The following ARHGAP11A variants were observed in gnomAD, a reference collection of about 807,000 sequenced individuals.
The protein encoded by ARHGAP11A is rho GTPase-activating protein 11A.
ARHGAP11A carries 36 observed loss-of-function variants against 60.5 expected under a neutral mutation model. The observed-to-expected ratio is 0.59, with a 90% CI of 0.46 to 0.79. The LOEUF is 0.79. ARHGAP11A is among the 30% of genes least tolerant of loss of function. The probability of loss-of-function intolerance (pLI) is 0.00; values close to 1 mark genes in which losing one functional copy is unlikely to be tolerated. For missense variants in ARHGAP11A, 1,071 were observed against 1,199.2 expected (o/e 0.89, Z 1.58); for synonymous variants, 362 against 415.5 (o/e 0.87, Z 1.57).
intron 6 of ARHGAP11A, among the ~76,000 whole-genome samples, chr15:32,627,843 T>C (rs1001446978): frequency 6.7e-6 from 1 of 148,912 alleles, no homozygotes; most frequent in Non-Finnish European, 1.5e-5. Flanking sequence ...GGAGTCTGTC[T>C]TTGTCACCCA....
chr15:32,625,075 T>G lies in ARHGAP11A; in HGVS notation c.552-5T>G. On this transcript the variant is annotated splice_region_variant and splice_polypyrimidine_tract_variant and intron_variant, in intron 4 of 11. Transcript: ENST00000361627. The stretch of plus-strand genomic sequence containing the variant: ...TCCATCTAATAAAGCGTTTATTCAC[T>G]TAAGATCCAGTGAGAATAAGATGGA... 1.2e-6 allele frequency: 2 copies of G among 1,613,826 alleles called. No homozygotes were observed. The highest frequency in any genetic ancestry group is 1.7e-6 in the Non-Finnish European group (2 of 1,179,788).
At position 32,637,350 on chromosome 15, in the gene ARHGAP11A, G is replaced by T. The variant is rs780644093; in HGVS notation, c.2577G>T (p.Lys859Asn). ...LEYSRQPTGH[K>N]LASLGDTASP... ...ATAGCAGACAACCTACAGGGCATAA[G>T]TTGGCGAGTCTTGGTGATACAGCTT... Residue 859 changes from lysine (K) to asparagine (N), a missense_variant, in exon 12 of 12, where the codon AAG becomes AAT. By Grantham distance (94) the Lys-to-Asn change is moderately conservative. Around this residue, in one of 4 missense-constraint regions of ARHGAP11A, gnomAD observed 776 missense variants for 760.2 expected, o/e 1.02. Coordinates refer to ENST00000361627, the MANE Select transcript of ARHGAP11A (RefSeq NM_014783.6). 1 of 1,614,212 alleles carries T rather than the reference G, an allele frequency of 6.2e-7. No individual in the cohort carries two copies. The highest frequency in any genetic ancestry group is 1.1e-5 in the South Asian group (1 of 91,078).
intron 3 of ARHGAP11A, among the ~76,000 whole-genome samples, chr15:32,623,856 G>A (rs2053393575): frequency 6.6e-6 from 1 of 152,014 alleles, no homozygotes; most frequent in African/African-American, 2.4e-5. Context: ...TTATATTGTT[G>A]TTAGCCTTCT....
At chr15:32,620,287 C>T in intron 2 of ARHGAP11A, 109 bp downstream of exon 2, 1 of 1,577,704 alleles carries the variant, frequency 6.3e-7, no homozygotes, top group Non-Finnish European at 8.6e-7. Context: ...GAGCTTAAGA[C>T]CAGCCTGGGC....
chr15:32,629,471 A>G (rs1272486950), intron 7 of ARHGAP11A, 124 bp from the exon 8 acceptor site: 38 of 611,996 alleles, frequency 6.2e-5, no homozygotes, highest in Non-Finnish European at 9.4e-5. Context: ...CTGATGATGT[A>G]AATATATTCT....
rs1402377493 is a variant in ARHGAP11A, at chr15:32,628,792, A to G, written c.927A>G (p.Glu309=). Residue 309 remains glutamate, a synonymous_variant, in exon 7 of 12, where the codon GAA becomes GAG. Coordinates refer to ENST00000361627, the MANE Select transcript of ARHGAP11A (RefSeq NM_014783.6). ...GAACACCTTCTATTACACCTCAAGA[A>G]GAAAGAATTGGTAGGTATTTATTAT... ...PNRTPSITPQ[E]ERIAQLSESP... 6 of 1,551,128 alleles carry G rather than the reference A, an allele frequency of 3.9e-6. No individual in the cohort carries two copies. The African/African-American group carries it at 8.4e-5, about 22-fold the overall frequency.
intron 8 of ARHGAP11A, among the ~76,000 whole-genome samples, chr15:32,630,652 C>G (rs1412314388): frequency 3.9e-5 from 6 of 151,926 alleles, no homozygotes; most frequent in Admixed American, 1.3e-4. Flanking sequence ...TTCCCAAAGC[C>G]TGTCTCTTTT....
At position 32,637,059 on chromosome 15, in the gene ARHGAP11A, T is replaced by C. The variant is rs17853929; in HGVS notation, c.2286T>C (p.Ser762=). Residue 762 remains serine, a synonymous_variant, in exon 12 of 12, where the codon TCT becomes TCC. Coordinates refer to ENST00000361627, the MANE Select transcript of ARHGAP11A (RefSeq NM_014783.6). ...AAHSKDEARS[S]FSQQSTCVVT... Reference sequence around the variant, plus strand: ...ATAGCAAGGACGAGGCTAGATCCTCTTTCTCACAGCAGAGTACATGTGTTG... The same window carrying C: ...ATAGCAAGGACGAGGCTAGATCCTCCTTCTCACAGCAGAGTACATGTGTTG... The C allele has an allele frequency of 1.2e-6, 2 of 1,614,000 alleles. No individual in the cohort carries two copies. Among genetic ancestry groups the C allele is most frequent in the Non-Finnish European group, 1.7e-6 (2 of 1,180,032 alleles).
At chr15:32,618,706 C>A (rs936112990) in intron 1 of ARHGAP11A, among the ~76,000 whole-genome samples, 50 of 150,262 alleles carry the variant, frequency 3.3e-4, no homozygotes, top group African/African-American at 1.1e-3. Context: ...GAGGCCGAGG[C>A]GGGTGGATAA....
At chr15:32,629,397 C>T (rs2053538331) in intron 7 of ARHGAP11A, among the ~76,000 whole-genome samples, 198 bp from the exon 8 acceptor site, 1 of 147,846 alleles carries the variant, frequency 6.8e-6, no homozygotes, top group East Asian at 1.9e-4. Context: ...AGTCTTGCCT[C>T]TGCGACTTCC....
chr15:32,637,191 G>C lies in ARHGAP11A; in HGVS notation c.2418G>C (p.Lys806Asn), dbSNP rs762841244. The change falls in exon 12 of 12, where the codon AAG becomes AAC. Residue 806 changes from lysine to asparagine, a missense_variant. By Grantham distance (94) the Lys-to-Asn change is moderately conservative (BLOSUM62 0). Around this residue, in one of 4 missense-constraint regions of ARHGAP11A, gnomAD observed 776 missense variants for 760.2 expected, o/e 1.02. Coordinates refer to ENST00000361627, the MANE Select transcript of ARHGAP11A (RefSeq NM_014783.6). ...GTTCACAAATGACAGAACATAGAAA[G>C]GTTTCTGATCACATACAGTGGTTTA... ...SESSQMTEHR[K>N]VSDHIQWFNK... 26 of 1,614,116 alleles carry C rather than the reference G, an allele frequency of 1.6e-5. No individual in the cohort carries two copies. In the South Asian group the frequency reaches 2.7e-4, roughly 17 times the overall value.
intron 2 of ARHGAP11A, among the ~76,000 whole-genome samples, chr15:32,620,854 C>T (rs1398764615): frequency 1.3e-5 from 2 of 151,902 alleles, no homozygotes; most frequent in Non-Finnish European, 2.9e-5. Flanking sequence ...TCGCTTGAGC[C>T]CAGGATTTTG....
At chr15:32,620,032 T>G in intron 1 of ARHGAP11A, 76 bp from the exon 2 acceptor site, 3 of 1,547,920 alleles carry the variant, frequency 1.9e-6, no homozygotes, top group Non-Finnish European at 2.6e-6. Context: ...CCTGAGTTCT[T>G]TAATTTGCCT....
At position 32,637,407 on chromosome 15, in the gene ARHGAP11A, T is replaced by C; in HGVS notation, c.2634T>C (p.Gly878=). The change falls in exon 12 of 12, where the codon GGT becomes GGC. Residue 878 remains glycine (G), a synonymous_variant. Coordinates refer to ENST00000361627, the MANE Select transcript of ARHGAP11A (RefSeq NM_014783.6). ...SPLVKSVSCD[G]ALSSCIESAS... ...TGGTCAAATCAGTGAGCTGTGACGG[T>C]GCTCTTTCCTCTTGTATAGAAAGTG... The C allele has an allele frequency of 1.9e-6, 3 of 1,614,208 alleles. No individual in the cohort carries two copies. Among genetic ancestry groups the C allele is most frequent in the Non-Finnish European group, 2.5e-6 (3 of 1,180,040 alleles).
chr15:32,619,169 A>G (rs4595774), intron 1 of ARHGAP11A, among the ~76,000 whole-genome samples: 58 of 152,322 alleles, frequency 3.8e-4, no homozygotes, highest in African/African-American at 5.3e-4. Context: ...AAACATAAAT[A>G]CTTCTTGGTT....
rs553866745 is a variant in ARHGAP11A, at chr15:32,620,280, C to G, written c.200+102C>G. 6.8e-5 allele frequency: 109 copies of G among 1,593,056 alleles called. 1 individual carries two copies. In the East Asian group the frequency reaches 1.7e-3, roughly 25 times the overall value. ...TGGGCAAATCACTTGAGTCCAGGAG[C>G]TTAAGACCAGCCTGGGCAACATGGT... On this transcript the variant is annotated intron_variant, in intron 2 of 11. Coordinates refer to ENST00000361627, the MANE Select transcript of ARHGAP11A (RefSeq NM_014783.6).
chr15:32,637,641 C>G lies in ARHGAP11A; in HGVS notation c.2868C>G (p.Gly956=), dbSNP rs2053756946. 6.2e-7 allele frequency: 1 copy of G among 1,614,024 alleles called. No homozygotes were observed. The highest frequency in any genetic ancestry group is 8.5e-7 in the Non-Finnish European group (1 of 1,180,012). ...TVYKQKILSD[G]QVKVPLDDLT... ...ATAAACAGAAGATCTTATCTGATGG[C>G]CAAGTTAAGGTTCCCTTGGATGATC... The change falls in exon 12 of 12, where the codon GGC becomes GGG. Residue 956 remains glycine (G), a synonymous_variant. Transcript: ENST00000361627.
rs1322572721 is a variant in ARHGAP11A, at chr15:32,637,073, G to A, written c.2300G>A (p.Ser767Asn). ...GCTAGATCCTCTTTCTCACAGCAGA[G>A]TACATGTGTTGTAACAAACTTGTCA... ...DEARSSFSQQ[S>N]TCVVTNLSKP... The change falls in exon 12 of 12, where the codon AGT (serine) becomes AAT (asparagine). Residue 767 changes from serine (S) to asparagine (N), a missense_variant. Ser to Asn is a conservative substitution (Grantham distance 46, BLOSUM62 1). Around this residue, in one of 4 missense-constraint regions of ARHGAP11A, gnomAD observed 776 missense variants for 760.2 expected, o/e 1.02. Coordinates refer to ENST00000361627, the MANE Select transcript of ARHGAP11A (RefSeq NM_014783.6). 1 of 1,613,964 alleles carries A rather than the reference G, an allele frequency of 6.2e-7. No individual in the cohort carries two copies. Among genetic ancestry groups the A allele is most frequent in the Non-Finnish European group, 8.5e-7 (1 of 1,180,024 alleles).
At chr15:32,632,944 T>C in intron 8 of ARHGAP11A, 35 bp from the exon 9 acceptor site, 1 of 1,558,844 alleles carries the variant, frequency 6.4e-7, no homozygotes. Flanking sequence ...GGAAAATAGA[T>C]ATGTGTGGTA....
Sources: allele counts gnomAD v4.1 joint callset (sites outside exome capture counted in the v4.1 genomes callset), GRCh38; gene constraint gnomAD v4.1.1; regional missense constraint gnomAD v4.1.1; transcripts MANE v1.5; gene names NCBI Gene and HGNC (gene_info 2026-07-23, HGNC 2026-07-21).